The following NFIL3 variants were observed in gnomAD, a reference collection of about 807,000 sequenced individuals.
NFIL3 encodes nuclear factor, interleukin 3 regulated.
NFIL3 carries 5 observed loss-of-function variants against 10.0 expected under a neutral mutation model. The observed-to-expected ratio is 0.50, with a 90% CI of 0.26 to 1.06. NFIL3 has a LOEUF of 1.06. Among genes scored for constraint, NFIL3 ranks in the 50% least tolerant of loss-of-function variants. The probability of loss-of-function intolerance (pLI) is 0.13; values close to 1 mark genes in which losing one functional copy is unlikely to be tolerated. For synonymous variants in NFIL3, 202 were observed against 206.5 expected (o/e 0.98, Z 0.19); for missense variants, 436 against 547.6 (o/e 0.80, Z 2.03).
At chr9:91,442,448 T>C in the NFIL3 span, among the ~76,000 whole-genome samples, 1 of 152,198 alleles carries the variant, frequency 6.6e-6, no homozygotes, top group Non-Finnish European at 1.5e-5. Flanking sequence ...GTATTGCTTG[T>C]GTCTGCTGGG....
the NFIL3 span, among the ~76,000 whole-genome samples, chr9:91,449,126 T>C: frequency 1.3e-5 from 2 of 152,206 alleles, no homozygotes; most frequent in African/African-American, 4.8e-5. Flanking sequence ...GTGTATTCTT[T>C]GGAATTTTCT....
the NFIL3 span, among the ~76,000 whole-genome samples, chr9:91,429,677 G>A: frequency 6.6e-6 from 1 of 152,128 alleles, no homozygotes; most frequent in Non-Finnish European, 1.5e-5. Flanking sequence ...ACTTTCAGAA[G>A]TGCTCAAGAT....
intron 1 of NFIL3, among the ~76,000 whole-genome samples, chr9:91,423,056 A>G (rs1405920626): frequency 6.6e-6 from 1 of 152,192 alleles, no homozygotes; most frequent in Non-Finnish European, 1.5e-5. Flanking sequence ...AAACACGCTG[A>G]CGACAAACAG....
At chr9:91,436,576 TCAACAACAACAACAA>T in the NFIL3 span, among the ~76,000 whole-genome samples, 2,222 of 138,708 alleles carry the variant, frequency 0.016, 48 homozygotes, top group African/African-American at 0.058. Context: ...AGACTCTGCC[TCAACAACAACAACAA>T]CAACAACAAC....
At chr9:91,425,551 C>A (rs970215640), upstream of NFIL3, among the ~76,000 whole-genome samples, 1 of 152,182 alleles carries the variant, frequency 6.6e-6, no homozygotes, top group African/African-American at 2.4e-5. Flanking sequence ...CTGACTAATG[C>A]AAGAACCACA....
At chr9:91,460,271 C>CTTTTTT in the NFIL3 span, among the ~76,000 whole-genome samples, 52 of 70,418 alleles carry the variant, frequency 7.4e-4, 15 homozygotes, top group African/African-American at 4.0e-3. Flanking sequence ...GGGCTTGGTT[C>CTTTTTT]TTTTTTTTTT....
chr9:91,450,153 CT>C, the NFIL3 span, among the ~76,000 whole-genome samples: 1 of 152,046 alleles, frequency 6.6e-6, no homozygotes. Flanking sequence ...AAAGAACAAA[CT>C]TTTGGGTTAA....
the NFIL3 span, among the ~76,000 whole-genome samples, chr9:91,469,475 A>T: frequency 6.6e-6 from 1 of 152,210 alleles, no homozygotes; most frequent in African/African-American, 2.4e-5. Context: ...GTCATCTGCA[A>T]ACAAGGACAA....
the NFIL3 span, among the ~76,000 whole-genome samples, chr9:91,444,151 T>C: frequency 1.3e-5 from 2 of 152,198 alleles, no homozygotes; most frequent in South Asian, 4.1e-4. Context: ...TTGATTCATT[T>C]CAAACAGCCT....
At chr9:91,418,243 T>C (rs1833695500) in intron 1 of NFIL3, among the ~76,000 whole-genome samples, 1 of 152,160 alleles carries the variant, frequency 6.6e-6, no homozygotes, top group South Asian at 2.1e-4. Context: ...AGAACAGTAA[T>C]AATTTTTTAA....
chr9:91,474,110 CA>C, the NFIL3 span, among the ~76,000 whole-genome samples: 3 of 150,380 alleles, frequency 2.0e-5, no homozygotes, highest in Non-Finnish European at 4.4e-5. Context: ...ATCAAGTTGA[CA>C]AAGGTCCCCT....
chr9:91,450,980 TA>T, the NFIL3 span, among the ~76,000 whole-genome samples: 1 of 152,170 alleles, frequency 6.6e-6, no homozygotes, highest in African/African-American at 2.4e-5. Context: ...GTAACCAAGG[TA>T]ACTTTTTCTG....
the NFIL3 span, among the ~76,000 whole-genome samples, chr9:91,463,491 T>C: frequency 2.0e-5 from 3 of 152,236 alleles, no homozygotes; most frequent in African/African-American, 4.8e-5. Context: ...AAGAATGTTG[T>C]TTAATTTCCA....
chr9:91,425,335 G>C (rs1318472661), upstream of NFIL3, among the ~76,000 whole-genome samples: 1 of 152,196 alleles, frequency 6.6e-6, no homozygotes, highest in East Asian at 1.9e-4. Context: ...TTCTTGCACA[G>C]TTAATATCAT....
the NFIL3 span, among the ~76,000 whole-genome samples, chr9:91,429,116 A>T: frequency 9.8e-5 from 15 of 152,372 alleles, no homozygotes; most frequent in East Asian, 2.9e-3. Context: ...ATAAGACAAG[A>T]CAGGTCCACA....
At chr9:91,447,639 G>C in the NFIL3 span, among the ~76,000 whole-genome samples, 1 of 152,202 alleles carries the variant, frequency 6.6e-6, no homozygotes, top group African/African-American at 2.4e-5. Context: ...ATCTTCTTTG[G>C]AGAAATATTT....
chr9:91,455,194 AG>A, the NFIL3 span, among the ~76,000 whole-genome samples: 8 of 152,136 alleles, frequency 5.3e-5, no homozygotes, highest in Admixed American at 5.2e-4. Context: ...AAACATCTTG[AG>A]GGAGATATTT....
chr9:91,409,763 T>C lies in NFIL3; in HGVS notation c.972A>G (p.Pro324=), dbSNP rs369760759. 2 of 1,614,222 alleles carry C rather than the reference T, an allele frequency of 1.2e-6. No homozygotes were observed. Among genetic ancestry groups the C allele is most frequent in the Non-Finnish European group, 1.7e-6 (2 of 1,180,052 alleles). ...CTTTGGCTTTGATCCGGAGCTTGTG[T>C]GGCAAGGCAGAGGAATTCACTTCTG... is the stretch of plus-strand genomic sequence containing the variant. ...KVPEVNSSAL[P]HKLRIKAKAM... The change falls in exon 2 of 2, where the codon CCA becomes CCG. Residue 324 remains proline (P), a synonymous_variant. Coordinates refer to ENST00000297689, the MANE Select transcript of NFIL3 (RefSeq NM_005384.3).
At chr9:91,413,352 G>A (rs956889443) in intron 1 of NFIL3, among the ~76,000 whole-genome samples, 14 of 151,870 alleles carry the variant, frequency 9.2e-5, no homozygotes, top group African/African-American at 3.1e-4. Context: ...AGGCTCAAGC[G>A]ACTCTCCTGC....
Sources: gnomAD v4.1 joint callset for allele counts (sites outside exome capture counted in the v4.1 genomes callset) on GRCh38, gnomAD v4.1.1 for gene constraint, MANE v1.5 for transcripts, NCBI Gene and HGNC (gene_info 2026-07-23, HGNC 2026-07-21) for gene names.